HES1: variants seen among roughly 807,000 people sequenced by gnomAD.
HES1 encodes hes family bHLH transcription factor 1.
Under a neutral mutation model 21.0 loss-of-function variants are expected in HES1, and 7 were observed. The observed-to-expected ratio is 0.33, with a 90% CI of 0.19 to 0.63. HES1 has a LOEUF of 0.63. Ranked by LOEUF, HES1 falls within the 20% of genes least tolerant of loss-of-function variation. HES1 has a pLI of 0.78. For missense variants in HES1, 338 were observed against 389.8 expected, an observed-to-expected ratio of 0.87 and a Z score of 1.12; for synonymous variants, 169 against 171.2, an observed-to-expected ratio of 0.99 and a Z score of 0.10.
Position 194,137,420 on chromosome 3 carries a change from G to A in HES1, c.293-263G>A, listed in dbSNP as rs1471780434. ...GGCATTGTCCAAGGTCACATCGCGC[G>A]CGGGGGTGGGGGTGACAGATCTGGG... On this transcript the variant is annotated intron_variant, in intron 3 of 3. Transcript: ENST00000232424. The surrounding 1 kb of genome is among the most constrained non-coding windows in gnomAD (Gnocchi z 5.4). 1.8e-6 allele frequency: 1 copy of A among 567,008 alleles called. No homozygotes were observed. Among genetic ancestry groups the A allele is most frequent in the Non-Finnish European group, 3.1e-6 (1 of 319,320 alleles). The allele number at this position is 567,008 out of a possible 1,614,324, so 35.1% of individuals were successfully genotyped here.
In HES1 at chr3:194,136,184, T is replaced by TCC; in HGVS notation, c.-193_-192dup. The TCC allele has an allele frequency of 1.9e-6, 1 of 538,356 alleles. No homozygotes were observed. The highest frequency in any genetic ancestry group is 2.5e-5 in the South Asian group (1 of 39,348). 33.3% of individuals were successfully genotyped at this position (538,356 alleles called of 1,614,324 possible). ...GGAGCTGGTGCTGATAACAGCGGAA[T>TCC]CCCCCGTCTACCTCTCTCCTTGGTC... On this transcript the variant is annotated 5_prime_UTR_variant, in exon 1 of 4. Transcript: ENST00000232424.
Position 194,138,412 on chromosome 3 carries a change from C to A in HES1, c.*179C>A. 2.0e-6 allele frequency: 1 copy of A among 496,700 alleles called. No homozygotes were observed. Among genetic ancestry groups the A allele is most frequent in the Non-Finnish European group, 3.4e-6 (1 of 296,658 alleles). 30.8% of individuals were successfully genotyped at this position (496,700 alleles called of 1,614,324 possible). A position where few individuals can be genotyped will look rare whatever the true frequency, so the allele number is the denominator to read the frequency against. ...GAGAGAGCTGTATTAAGTGACTGAC[C>A]ATGCACTATATTTGTATATATTTTA... On this transcript the variant is annotated 3_prime_UTR_variant, in exon 4 of 4. Transcript: ENST00000232424.
chr3:194,137,939 G>A lies in HES1; in HGVS notation c.549G>A (p.Pro183=). 1 of 1,305,498 alleles carries A rather than the reference G, an allele frequency of 7.7e-7. No homozygotes were observed. Among genetic ancestry groups the A allele is most frequent in the Non-Finnish European group, 9.7e-7 (1 of 1,027,490 alleles). 80.9% of individuals were successfully genotyped at this position (1,305,498 alleles called of 1,614,324 possible). A position where few individuals can be genotyped will look rare whatever the true frequency, so the allele number is the denominator to read the frequency against. The change falls in exon 4 of 4, where the codon CCG becomes CCA. Residue 183 remains proline (P), a synonymous_variant. Coordinates refer to ENST00000232424, the MANE Select transcript of HES1 (RefSeq NM_005524.4). The surrounding 1 kb of genome is among the most constrained non-coding windows in gnomAD (Gnocchi z 5.4). ...PGGPQHAPFA[P]PPPLVPIPGG... ...GCCCCCAGCACGCGCCGTTCGCGCCGCCGCCGCCACTCGTGCCCATCCCCG... is the reference window on the plus strand; with the variant it reads ...GCCCCCAGCACGCGCCGTTCGCGCCACCGCCGCCACTCGTGCCCATCCCCG...
At position 194,137,590 on chromosome 3, in the gene HES1, A is replaced by C; in HGVS notation, c.293-93A>C. 1 of 1,343,176 alleles carries C rather than the reference A, an allele frequency of 7.4e-7. No individual in the cohort carries two copies. Among genetic ancestry groups the C allele is most frequent in the Non-Finnish European group, 9.9e-7 (1 of 1,005,924 alleles). The allele number at this position is 1,343,176 out of a possible 1,614,324, so 83.2% of individuals were successfully genotyped here. A position where few individuals can be genotyped will look rare whatever the true frequency, so the allele number is the denominator to read the frequency against. On this transcript the variant is annotated intron_variant, in intron 3 of 3. Transcript: ENST00000232424. The surrounding 1 kb of genome is among the most constrained non-coding windows in gnomAD (Gnocchi z 5.4). ...GAGGCAGTTTCACGGGCGCATGGTC[A>C]GGGAGGCGCGCCACAGGGACCTCCC...
Position 194,137,092 on chromosome 3 carries a change from G to T in HES1, c.292+44G>T, listed in dbSNP as rs1254721130. The T allele has an allele frequency of 6.6e-7, 1 of 1,520,528 alleles. No individual in the cohort carries two copies. Among genetic ancestry groups the T allele is most frequent in the South Asian group, 1.1e-5 (1 of 89,210 alleles). 94.2% of individuals were successfully genotyped at this position (1,520,528 alleles called of 1,614,324 possible). A position where few individuals can be genotyped will look rare whatever the true frequency, so the allele number is the denominator to read the frequency against. On this transcript the variant is annotated intron_variant, in intron 3 of 3. Coordinates refer to ENST00000232424, the MANE Select transcript of HES1 (RefSeq NM_005524.4). This position sits in a 1 kb window ranked among gnomAD's most constrained non-coding sequence, Gnocchi z 5.4. ...GTCCCCCTGTGCGGGCGTCCCGCTC[G>T]CCTCGCGGTGATTTCTTCCAGACTT... is the stretch of plus-strand genomic sequence containing the variant.
intron 2 of HES1, 35 bp downstream of exon 2, chr3:194,136,747 A>G (rs545794201): frequency 1.9e-6 from 3 of 1,559,764 alleles, no homozygotes; most frequent in South Asian, 1.1e-5. Context: ...CTTTTAATTA[A>G]AAAACAAACA....
rs779369881 is a variant in HES1, at chr3:194,138,050, G to A, written c.660G>A (p.Gln220=). The change falls in exon 4 of 4, where the codon CAG becomes CAA. Residue 220 remains glutamine, a synonymous_variant. Coordinates refer to ENST00000232424, the MANE Select transcript of HES1 (RefSeq NM_005524.4). ...GEAAKVFGGF[Q]VVPAPDGQFA... ...CGGCTAAGGTGTTTGGAGGCTTCCA[G>A]GTGGTACCGGCTCCCGATGGCCAGT... The A allele has an allele frequency of 6.2e-7, 1 of 1,609,180 alleles. No homozygotes were observed. Among genetic ancestry groups the A allele is most frequent in the South Asian group, 1.1e-5 (1 of 90,226 alleles).
intron 2 of HES1, 93 bp from the exon 3 acceptor site, chr3:194,136,868 A>C (rs2236747): frequency 0.023 from 32,749 of 1,413,302 alleles, 1,063 homozygotes; most frequent in East Asian, 0.16. Flanking sequence ...GTCCAGAGAT[A>C]ATGCTTGCGC....
At position 194,137,238 on chromosome 3, in the gene HES1, G is replaced by A. The variant is rs984237537; in HGVS notation, c.292+190G>A. 1.6e-6 allele frequency: 1 copy of A among 635,732 alleles called. No individual in the cohort carries two copies. The highest frequency in any genetic ancestry group is 2.8e-6 in the Non-Finnish European group (1 of 361,106). The allele number at this position is 635,732 out of a possible 1,614,324, so 39.4% of individuals were successfully genotyped here. A position where few individuals can be genotyped will look rare whatever the true frequency, so the allele number is the denominator to read the frequency against. On this transcript the variant is annotated intron_variant, in intron 3 of 3. Coordinates refer to ENST00000232424, the MANE Select transcript of HES1 (RefSeq NM_005524.4). The surrounding 1 kb of genome is among the most constrained non-coding windows in gnomAD (Gnocchi z 5.4). ...AAGTTGTTACTGTTCCGGAAAGGGA[G>A]GGAAAGAGGTTGCAGCCGCGAGGGT... is the stretch of plus-strand genomic sequence containing the variant.
chr3:194,138,731 C>T lies in HES1; in HGVS notation c.*498C>T, dbSNP rs1430888589. 2 of 152,258 alleles carry T rather than the reference C, an allele frequency of 1.3e-5. No individual in the cohort carries two copies. The highest frequency in any genetic ancestry group is 2.9e-5 in the Non-Finnish European group (2 of 68,108). The allele number at this position is 152,258 out of a possible 1,614,324, so 9.4% of individuals were successfully genotyped here. A position where few individuals can be genotyped will look rare whatever the true frequency, so the allele number is the denominator to read the frequency against. On this transcript the variant is annotated 3_prime_UTR_variant, in exon 4 of 4. Transcript: ENST00000232424. ...TATTAAAAGAACATTTGTAAAAATC[C>T]ATCAAACTTTTCACCAATCCTCCAT...
chr3:194,136,568 C>G (rs143989305), intron 1 of HES1, 49 bp from the exon 2 acceptor site: 13 of 1,573,568 alleles, frequency 8.3e-6, no homozygotes, highest in Non-Finnish European at 1.1e-5. Flanking sequence ...CTTGAAACCC[C>G]GGGATGGCAG....
Position 194,138,045 on chromosome 3 carries a change from T to A in HES1, c.655T>A (p.Phe219Ile). 1.2e-6 allele frequency: 2 copies of A among 1,607,468 alleles called. No individual in the cohort carries two copies. Among genetic ancestry groups the A allele is most frequent in the Non-Finnish European group, 1.7e-6 (2 of 1,177,636 alleles). ...AGEAAKVFGG[F>I]QVVPAPDGQF... ...AGAGGCGGCTAAGGTGTTTGGAGGC[T>A]TCCAGGTGGTACCGGCTCCCGATGG... is the stretch of plus-strand genomic sequence containing the variant. The change falls in exon 4 of 4, where the codon TTC (phenylalanine) becomes ATC (isoleucine). Residue 219 changes from phenylalanine (F) to isoleucine (I), a missense_variant. By Grantham distance (21) the Phe-to-Ile change is conservative. Coordinates refer to ENST00000232424, the MANE Select transcript of HES1 (RefSeq NM_005524.4).
chr3:194,138,118 C>T lies in HES1; in HGVS notation c.728C>T (p.Pro243Leu), dbSNP rs765501070. ...IPNGAFAHSGPVIPVYTSNSG... is the reference protein window; with the variant it reads ...IPNGAFAHSGLVIPVYTSNSG... ...AACGGGGCCTTCGCGCACAGCGGCCCTGTCATCCCCGTCTACACCAGCAAC... is the reference window on the plus strand; with the variant it reads ...AACGGGGCCTTCGCGCACAGCGGCCTTGTCATCCCCGTCTACACCAGCAAC... The change falls in exon 4 of 4, where the codon CCT becomes CTT. Residue 243 changes from proline to leucine, a missense_variant. By Grantham distance (98) the Pro-to-Leu change is moderately conservative (BLOSUM62 -3). Coordinates refer to ENST00000232424, the MANE Select transcript of HES1 (RefSeq NM_005524.4). The T allele has an allele frequency of 9.3e-6, 15 of 1,612,544 alleles. No homozygotes were observed. Among genetic ancestry groups the T allele is most frequent in the Admixed American group, 1.7e-5 (1 of 59,830 alleles).
Position 194,138,110 on chromosome 3 carries a change from C to G in HES1, c.720C>G (p.His240Gln). 2 of 1,612,518 alleles carry G rather than the reference C, an allele frequency of 1.2e-6. No homozygotes were observed. Among genetic ancestry groups the G allele is most frequent in the Non-Finnish European group, 1.7e-6 (2 of 1,179,574 alleles). ...AFLIPNGAFAHSGPVIPVYTS... is the reference protein window; with the variant it reads ...AFLIPNGAFAQSGPVIPVYTS... ...TCATTCCCAACGGGGCCTTCGCGCACAGCGGCCCTGTCATCCCCGTCTACA... is the reference window on the plus strand; with the variant it reads ...TCATTCCCAACGGGGCCTTCGCGCAGAGCGGCCCTGTCATCCCCGTCTACA... Residue 240 changes from histidine to glutamine, a missense_variant, in exon 4 of 4, where the codon CAC becomes CAG. His to Gln is a conservative substitution (Grantham distance 24, BLOSUM62 0). Transcript: ENST00000232424.
Position 194,138,339 on chromosome 3 carries a change from A to C in HES1, c.*106A>C. 1 of 1,183,210 alleles carries C rather than the reference A, an allele frequency of 8.5e-7. No homozygotes were observed. The highest frequency in any genetic ancestry group is 1.1e-6 in the Non-Finnish European group (1 of 892,974). 73.3% of individuals were successfully genotyped at this position (1,183,210 alleles called of 1,614,324 possible). A position where few individuals can be genotyped will look rare whatever the true frequency, so the allele number is the denominator to read the frequency against. ...GGGAGAGAAGAGGACTTTTTTGATT[A>C]AGTGGTTACTTTGTGTTTTTTTAAT... is the stretch of plus-strand genomic sequence containing the variant. On this transcript the variant is annotated 3_prime_UTR_variant, in exon 4 of 4. Transcript: ENST00000232424.
In HES1 at chr3:194,137,582, G is replaced by T. The variant is rs1715375951; in HGVS notation, c.293-101G>T. On this transcript the variant is annotated intron_variant, in intron 3 of 3. Coordinates refer to ENST00000232424, the MANE Select transcript of HES1 (RefSeq NM_005524.4). The surrounding 1 kb of genome is among the most constrained non-coding windows in gnomAD (Gnocchi z 5.4). ...CCCTGCCGGAGGCAGTTTCACGGGC[G>T]CATGGTCAGGGAGGCGCGCCACAGG... The T allele has an allele frequency of 6.3e-6, 8 of 1,268,408 alleles. No individual in the cohort carries two copies. Among genetic ancestry groups the T allele is most frequent in the Non-Finnish European group, 7.4e-6 (7 of 946,350 alleles). The allele number at this position is 1,268,408 out of a possible 1,614,324, so 78.6% of individuals were successfully genotyped here. A position where few individuals can be genotyped will look rare whatever the true frequency, so the allele number is the denominator to read the frequency against.
chr3:194,136,849 T>C, intron 2 of HES1, 112 bp from the exon 3 acceptor site: 1 of 1,381,346 alleles, frequency 7.2e-7, no homozygotes, highest in Non-Finnish European at 1.0e-6. Context: ...CCCGGCCTTA[T>C]TCGCTGGGGT....
rs1715363595 is a variant in HES1 at position 194,137,126 on chromosome 3, G to A, written c.292+78G>A. Reference sequence around the variant, plus strand: ...TGATTTCTTCCAGACTTCCGCCCGTGGTTGTGAGAGGCATTCAGCTACATT... The same window carrying A: ...TGATTTCTTCCAGACTTCCGCCCGTAGTTGTGAGAGGCATTCAGCTACATT... On this transcript the variant is annotated intron_variant, in intron 3 of 3. Transcript: ENST00000232424. This position sits in a 1 kb window ranked among gnomAD's most constrained non-coding sequence, Gnocchi z 5.4. The A allele has an allele frequency of 1.7e-6, 2 of 1,197,370 alleles. No individual in the cohort carries two copies. Among genetic ancestry groups the A allele is most frequent in the East Asian group, 2.3e-5 (1 of 42,794 alleles). 74.2% of individuals were successfully genotyped at this position (1,197,370 alleles called of 1,614,324 possible). A position where few individuals can be genotyped will look rare whatever the true frequency, so the allele number is the denominator to read the frequency against.
In HES1 at chr3:194,136,272, A is replaced by G. The variant is rs1300321204; in HGVS notation, c.-109A>G. On this transcript the variant is annotated 5_prime_UTR_variant, in exon 1 of 4. Transcript: ENST00000232424. The stretch of plus-strand genomic sequence containing the variant: ...TATAATAAACCCTCAGCACTTGCTC[A>G]GTAGTTTTGTGAAAGTCTCAAGTAA... 1 of 675,986 alleles carries G rather than the reference A, an allele frequency of 1.5e-6. No individual in the cohort carries two copies. The allele number at this position is 675,986 out of a possible 1,614,324, so 41.9% of individuals were successfully genotyped here.
Sources: gnomAD v4.1 joint callset for allele counts on GRCh38, gnomAD v4.1.1 for gene constraint, Gnocchi (gnomAD v3.1) non-coding constraint, MANE v1.5 for transcripts, NCBI Gene and HGNC (gene_info 2026-07-23, HGNC 2026-07-21) for gene names.